PACSIN2: variants seen among roughly 807,000 people sequenced by gnomAD.
PACSIN2 encodes protein kinase C and casein kinase substrate in neurons 2, also known as protein kinase C and casein kinase substrate in neurons protein 2.
Under a neutral mutation model 63.8 loss-of-function variants are expected in PACSIN2, and 25 were observed. The observed-to-expected ratio is 0.39, with a 90% CI of 0.29 to 0.55. PACSIN2 has a LOEUF of 0.55. PACSIN2 is among the 20% of genes least tolerant of loss of function. PACSIN2 has a pLI of 0.62. For synonymous variants in PACSIN2, 255 were observed against 256.2 expected (o/e 1.00, Z 0.05); for missense variants, 518 against 646.9 (o/e 0.80, Z 2.16).
chr22:42,878,043 C>T (rs1318505871), intron 8 of PACSIN2, among the ~76,000 whole-genome samples: 1 of 152,258 alleles, frequency 6.6e-6, no homozygotes, highest in East Asian at 1.9e-4. Flanking sequence ...AATATCCAGG[C>T]CACATGTCTG....
At chr22:42,881,081 C>A (rs936249637) in intron 7 of PACSIN2, among the ~76,000 whole-genome samples, 2 of 152,242 alleles carry the variant, frequency 1.3e-5, no homozygotes, top group Non-Finnish European at 2.9e-5. Context: ...TGCTCTACTG[C>A]CTCCTACTGG....
intron 1 of PACSIN2, among the ~76,000 whole-genome samples, chr22:42,999,314 C>A (rs1232416301): frequency 1.3e-5 from 2 of 152,180 alleles, no homozygotes; most frequent in Non-Finnish European, 2.9e-5. Flanking sequence ...GGAACTCTCC[C>A]ATTTCAGTAA....
At position 42,882,311 on chromosome 22, in the gene PACSIN2, CAGA is replaced by C. The variant is rs1466929941; in HGVS notation, c.786-10_786-8del. The C allele has an allele frequency of 6.2e-7, 1 of 1,604,268 alleles. No homozygotes were observed. Among genetic ancestry groups the C allele is most frequent in the South Asian group, 1.1e-5 (1 of 90,188 alleles). On this transcript the variant is annotated splice_polypyrimidine_tract_variant and splice_region_variant and intron_variant, in intron 6 of 10. Transcript: ENST00000263246. ...ATGGTAAATGGCTTTGTAGCTAAAT[CAGA>C]GAGAAACGTGGCTCTTTTAGAAGGC...
At chr22:42,931,963 C>T (rs1932787213) in intron 1 of PACSIN2, among the ~76,000 whole-genome samples, 2 of 152,178 alleles carry the variant, frequency 1.3e-5, no homozygotes, top group African/African-American at 2.4e-5. Context: ...GAAAACCTAT[C>T]CTCACTTCCA....
At chr22:42,939,484 A>G (rs5759049) in intron 1 of PACSIN2, among the ~76,000 whole-genome samples, 29,798 of 152,200 alleles carry the variant, frequency 0.2, 4,392 homozygotes, top group East Asian at 0.7. Flanking sequence ...TGACGCAGTT[A>G]GAGCAGGCCT....
At chr22:42,978,346 C>G (rs1921850898) in intron 1 of PACSIN2, among the ~76,000 whole-genome samples, 1 of 152,214 alleles carries the variant, frequency 6.6e-6, no homozygotes, top group Non-Finnish European at 1.5e-5. Context: ...TATACATCTT[C>G]TGTTTCTCTT....
chr22:42,926,525 G>C (rs190990417), intron 1 of PACSIN2, among the ~76,000 whole-genome samples: 1 of 152,150 alleles, frequency 6.6e-6, no homozygotes, highest in Non-Finnish European at 1.5e-5. Flanking sequence ...GGGAATCTTA[G>C]GAACTCCACG....
At chr22:42,991,628 A>T (rs934662923) in intron 1 of PACSIN2, among the ~76,000 whole-genome samples, 3 of 152,076 alleles carry the variant, frequency 2.0e-5, no homozygotes, top group East Asian at 1.9e-4. Context: ...GGAGCTGGGA[A>T]CTCCCAGGTG....
intron 1 of PACSIN2, among the ~76,000 whole-genome samples, chr22:43,008,018 T>C (rs760064191): frequency 4.6e-5 from 7 of 152,188 alleles, no homozygotes; most frequent in African/African-American, 1.4e-4. Context: ...ACTCTATCAA[T>C]AGTCACATCA....
chr22:42,953,700 T>C (rs1410393363), intron 1 of PACSIN2, among the ~76,000 whole-genome samples: 3 of 152,046 alleles, frequency 2.0e-5, no homozygotes, highest in Non-Finnish European at 2.9e-5. Flanking sequence ...CTCCGAGAGG[T>C]TAAGTAATGT....
At chr22:42,994,081 A>G (rs957053835) in intron 1 of PACSIN2, among the ~76,000 whole-genome samples, 1 of 152,232 alleles carries the variant, frequency 6.6e-6, no homozygotes, top group African/African-American at 2.4e-5. Context: ...GCTCTCAAGA[A>G]GACCACGATG....
intron 1 of PACSIN2, among the ~76,000 whole-genome samples, chr22:42,938,793 A>C (rs148192916): frequency 1.2e-4 from 19 of 152,346 alleles, no homozygotes; most frequent in Non-Finnish European, 2.8e-4. Context: ...CTCAAGTAAC[A>C]AGAGAAGACG....
At position 43,009,826 on chromosome 22, in the gene PACSIN2, C is replaced by T. The variant is rs140445578; in HGVS notation, c.-78+5195G>A. 3.3e-5 allele frequency among the ~76,000 whole-genome samples: 5 copies of T among 151,126 alleles called. No individual in the cohort carries two copies. The East Asian group carries it at 5.8e-4, about 18-fold the overall frequency. On this transcript the variant is annotated intron_variant, in intron 1 of 10. Coordinates refer to ENST00000263246, the MANE Select transcript of PACSIN2 (RefSeq NM_001184970.3). ...TATTTATCATTTTTAAGGCTTCTTGCGAGGTCTTTGATAGTTGAGACATCA... is the reference window on the plus strand; with the variant it reads ...TATTTATCATTTTTAAGGCTTCTTGTGAGGTCTTTGATAGTTGAGACATCA...
intron 2 of PACSIN2, among the ~76,000 whole-genome samples, chr22:42,900,592 G>A (rs961647690): frequency 2.6e-5 from 4 of 152,192 alleles, no homozygotes; most frequent in African/African-American, 9.7e-5. Flanking sequence ...TCCTGCCTCA[G>A]CCTCCGAGTA....
chr22:42,921,923 G>A (rs1932223558), intron 1 of PACSIN2, among the ~76,000 whole-genome samples: 4 of 152,090 alleles, frequency 2.6e-5, no homozygotes, highest in Admixed American at 2.6e-4. Context: ...ATTTTTAGTA[G>A]AGACGGGGTT....
intron 1 of PACSIN2, among the ~76,000 whole-genome samples, chr22:42,928,843 G>A (rs1254660845): frequency 6.6e-6 from 1 of 152,162 alleles, no homozygotes; most frequent in East Asian, 1.9e-4. Context: ...AGCTCTCAGT[G>A]CCAAAATTTA....
At position 42,895,273 on chromosome 22, in the gene PACSIN2, C is replaced by G. The variant is rs374062800; in HGVS notation, c.61-1660G>C. Reference sequence around the variant, plus strand: ...TGTGGTTGCTTCCCTTAAAATGAGGCCTTACTGTCATTTTGAAATTTACAG... The same window carrying G: ...TGTGGTTGCTTCCCTTAAAATGAGGGCTTACTGTCATTTTGAAATTTACAG... On this transcript the variant is annotated intron_variant, in intron 2 of 10. Coordinates refer to ENST00000263246, the MANE Select transcript of PACSIN2 (RefSeq NM_001184970.3). 1.7e-3 allele frequency among the ~76,000 whole-genome samples: 262 copies of G among 152,302 alleles called. 4 individuals carry two copies. Among genetic ancestry groups the G allele is most frequent in the Middle Eastern group, 0.014 (4 of 294 alleles).
intron 1 of PACSIN2, among the ~76,000 whole-genome samples, chr22:42,997,262 C>G (rs187385965): frequency 8.5e-5 from 13 of 152,322 alleles, no homozygotes; most frequent in African/African-American, 2.9e-4. Flanking sequence ...TTGCTGAATA[C>G]ATAAATGGGG....
chr22:42,964,329 A>T (rs1160779437), intron 1 of PACSIN2, among the ~76,000 whole-genome samples: 2 of 151,826 alleles, frequency 1.3e-5, no homozygotes, highest in Non-Finnish European at 2.9e-5. Context: ...GAGGCAGGAG[A>T]ATTGCTTGAA....
Sources: gnomAD v4.1 joint callset for allele counts (sites outside exome capture counted in the v4.1 genomes callset) on GRCh38, gnomAD v4.1.1 for gene constraint, MANE v1.5 for transcripts, NCBI Gene and HGNC (gene_info 2026-07-23, HGNC 2026-07-21) for gene names.